TENM4: variants seen among roughly 807,000 people sequenced by gnomAD.
TENM4 encodes the protein teneurin-4.
TENM4 carries 82 observed loss-of-function variants against 243.3 expected under a neutral mutation model. The observed-to-expected ratio is 0.34, with a 90% CI of 0.28 to 0.40. TENM4 has a LOEUF of 0.40. TENM4 is among the 10% of genes least tolerant of loss of function. The pLI, the probability that TENM4 is intolerant of heterozygous loss-of-function variation, is 1.00. For synonymous variants in TENM4, 1,412 were observed against 1,456.3 expected (o/e 0.97, Z 0.69); for missense variants, 3,138 against 3,673.3 (o/e 0.85, Z 3.77).
intron 6 of TENM4, among the ~76,000 whole-genome samples, chr11:78,936,215 G>A (rs112375564): frequency 5.3e-5 from 8 of 152,274 alleles, no homozygotes; most frequent in South Asian, 2.1e-4. Flanking sequence ...CATTCCTTGT[G>A]CTAAAGAACA....
chr11:79,116,685 A>G (rs183642172), intron 4 of TENM4, among the ~76,000 whole-genome samples: 126 of 152,352 alleles, frequency 8.3e-4, no homozygotes, highest in African/African-American at 2.7e-3. Context: ...AAAATGAATC[A>G]TCAACCCTGA....
intron 6 of TENM4, among the ~76,000 whole-genome samples, chr11:79,008,563 C>T (rs775183017): frequency 2.0e-5 from 3 of 152,146 alleles, no homozygotes; most frequent in Non-Finnish European, 2.9e-5. Context: ...CACTTTGAAG[C>T]CATGAAAGCC....
chr11:78,970,351 AG>A (rs1437878065), intron 6 of TENM4, among the ~76,000 whole-genome samples: 1 of 152,200 alleles, frequency 6.6e-6, no homozygotes, highest in Non-Finnish European at 1.5e-5. Context: ...CACTTTTGAA[AG>A]CATTTCAAAG....
chr11:79,326,297 C>G (rs1856974916), intron 1 of TENM4, among the ~76,000 whole-genome samples: 1 of 152,146 alleles, frequency 6.6e-6, no homozygotes, highest in South Asian at 2.1e-4. Flanking sequence ...CACATCAACC[C>G]AGCCCTGCCA....
In TENM4 at chr11:79,007,390, A is replaced by C. The variant is rs139906287; in HGVS notation, c.493+57348T>G. Among the ~76,000 whole-genome samples, 966 of 152,138 alleles carry C rather than the reference A, an allele frequency of 6.3e-3. 10 individuals are homozygous for C. The highest frequency in any genetic ancestry group is 0.022 in the African/African-American group (927 of 41,492). On this transcript the variant is annotated intron_variant, in intron 6 of 33. Transcript: ENST00000278550. The stretch of plus-strand genomic sequence containing the variant: ...CCAGAGCTGAGAGAGAGACTATGTG[A>C]GTGATTTCCCTTGGGTGACAAAGCT...
intron 1 of TENM4, among the ~76,000 whole-genome samples, chr11:79,345,112 G>A (rs186400503): frequency 1.7e-3 from 266 of 152,284 alleles, no homozygotes; most frequent in African/African-American, 5.8e-3. Flanking sequence ...GATACTCAGC[G>A]GATGCTGGTA....
At chr11:79,262,655 C>T (rs1855818244) in intron 2 of TENM4, among the ~76,000 whole-genome samples, 1 of 152,180 alleles carries the variant, frequency 6.6e-6, no homozygotes, top group Non-Finnish European at 1.5e-5. Flanking sequence ...GAATGTGTGA[C>T]CCAGCAAGTG....
At chr11:79,068,574 T>TA (rs1252067279) in intron 5 of TENM4, 1 of 152,260 alleles carries the variant, frequency 6.6e-6, no homozygotes, top group African/African-American at 2.4e-5. Flanking sequence ...TTATGAGAAT[T>TA]AAATAACACT....
intron 18 of TENM4, among the ~76,000 whole-genome samples, chr11:78,768,976 G>A (rs7952534): frequency 0.12 from 18,287 of 152,164 alleles, 3,411 homozygotes; most frequent in African/African-American, 0.4. Flanking sequence ...TATAACCTAC[G>A]CTTGTATGTA....
chr11:79,085,394 G>GTT (rs1555005378), intron 4 of TENM4, among the ~76,000 whole-genome samples: 1 of 79,884 alleles, frequency 1.3e-5, no homozygotes, highest in African/African-American at 4.1e-5. Flanking sequence ...AAAAAGGGGG[G>GTT]TTTTTTTTTT....
At position 78,856,050 on chromosome 11, in the gene TENM4, C is replaced by T; in HGVS notation, c.1384G>A (p.Val462Met). ...AGAGACACATTGAATTTCAGATGCA[C>T]AGGATGGTCTATGAACACTTGAGAT... ...WRSQVFIDHPVHLKFNVSLGK... is the reference protein window; with the variant it reads ...WRSQVFIDHPMHLKFNVSLGK... The change falls in exon 11 of 34, where the codon GTG (valine) becomes ATG (methionine). Residue 462 changes from valine (V) to methionine (M), a missense_variant. Val to Met is a conservative substitution (Grantham distance 21). Around this residue, in one of 2 missense-constraint regions of TENM4, gnomAD observed 2,467 missense variants for 3,059.1 expected, o/e 0.81. Transcript: ENST00000278550. 1 of 1,551,738 alleles carries T rather than the reference C, an allele frequency of 6.4e-7. No homozygotes were observed. Among genetic ancestry groups the T allele is most frequent in the Non-Finnish European group, 8.7e-7 (1 of 1,147,006 alleles).
intron 6 of TENM4, among the ~76,000 whole-genome samples, chr11:78,918,719 C>T (rs545026593): frequency 6.6e-6 from 1 of 152,156 alleles, no homozygotes; most frequent in South Asian, 2.1e-4. Flanking sequence ...AATTGGGATT[C>T]GGAGGCACAT....
At chr11:78,705,572 G>A (rs1007864326) in intron 27 of TENM4, among the ~76,000 whole-genome samples, 16 of 152,160 alleles carry the variant, frequency 1.1e-4, no homozygotes, top group Non-Finnish European at 2.1e-4. Context: ...CAGCTCCCAC[G>A]TTCTATGGTT....
chr11:78,816,034 C>T (rs1296107703), intron 12 of TENM4, among the ~76,000 whole-genome samples: 2 of 152,186 alleles, frequency 1.3e-5, no homozygotes, highest in East Asian at 3.9e-4. Context: ...TTTTCTGTGT[C>T]CTGATTGAGA....
chr11:78,886,925 C>T (rs946004176), intron 9 of TENM4, among the ~76,000 whole-genome samples: 1 of 152,228 alleles, frequency 6.6e-6, no homozygotes, highest in Non-Finnish European at 1.5e-5. Flanking sequence ...TCTTCTCCAC[C>T]TACGTTGTCA....
intron 6 of TENM4, among the ~76,000 whole-genome samples, chr11:78,956,674 A>T (rs1857212719): frequency 6.6e-6 from 1 of 152,220 alleles, no homozygotes; most frequent in African/African-American, 2.4e-5. Flanking sequence ...TTAAGAAGAC[A>T]CAATTCAGGA....
intron 1 of TENM4, among the ~76,000 whole-genome samples, chr11:79,333,202 G>C (rs1442461347): frequency 1.3e-5 from 2 of 151,808 alleles, no homozygotes; most frequent in East Asian, 3.9e-4. Flanking sequence ...TTCAAAACAA[G>C]GTCTGTCAGA....
At chr11:78,709,397 G>A (rs1859346084) in intron 26 of TENM4, among the ~76,000 whole-genome samples, 1 of 152,150 alleles carries the variant, frequency 6.6e-6, no homozygotes, top group African/African-American at 2.4e-5. Context: ...GCACACTGAG[G>A]AGAGGAGTCA....
intron 4 of TENM4, among the ~76,000 whole-genome samples, chr11:79,134,400 T>C (rs1203516373): frequency 2.0e-5 from 3 of 152,172 alleles, no homozygotes; most frequent in African/African-American, 7.2e-5. Flanking sequence ...AAAATCAATA[T>C]TGTGAAAATG....
Sources: gnomAD v4.1 joint callset for allele counts (sites outside exome capture counted in the v4.1 genomes callset) on GRCh38, gnomAD v4.1.1 for gene constraint, gnomAD v4.1.1 regional missense constraint, MANE v1.5 for transcripts, NCBI Gene and HGNC (gene_info 2026-07-23, HGNC 2026-07-21) for gene names.